The following SCAI variants were observed in gnomAD, a reference collection of about 807,000 sequenced individuals.
SCAI encodes protein SCAI.
SCAI carries 24 observed loss-of-function variants against 92.2 expected under a neutral mutation model. The observed-to-expected ratio is 0.26, with a 90% CI of 0.19 to 0.37. The LOEUF is 0.37. Ranked by LOEUF, SCAI falls within the 10% of genes least tolerant of loss-of-function variation. SCAI has a pLI of 1.00. For missense variants in SCAI, 450 were observed against 736.2 expected (o/e 0.61, Z 4.50); for synonymous variants, 261 against 258.6 (o/e 1.01, Z -0.09).
chr9:125,006,551 G>A (rs968538917), intron 9 of SCAI, among the ~76,000 whole-genome samples: 1 of 152,162 alleles, frequency 6.6e-6, no homozygotes, highest in African/African-American at 2.4e-5. Context: ...GAGTGCAGTG[G>A]CGCGATCTCG....
chr9:125,106,961 T>C (rs543157112), intron 2 of SCAI, among the ~76,000 whole-genome samples: 1 of 151,434 alleles, frequency 6.6e-6, no homozygotes, highest in African/African-American at 2.4e-5. Flanking sequence ...ATGATCCTCC[T>C]GCCTCAGCCT....
At chr9:124,953,132 C>T (rs1016974294) in intron 17 of SCAI, among the ~76,000 whole-genome samples, 179 bp from the exon 18 acceptor site, 1 of 152,060 alleles carries the variant, frequency 6.6e-6, no homozygotes, top group Non-Finnish European at 1.5e-5. Flanking sequence ...CTAAAAATGA[C>T]AGTTTCAGAT....
At chr9:124,980,014 C>T (rs1220322911) in intron 14 of SCAI, among the ~76,000 whole-genome samples, 1 of 147,836 alleles carries the variant, frequency 6.8e-6, no homozygotes, top group Non-Finnish European at 1.5e-5. Context: ...CGGACCACTG[C>T]ACTCCAGCCT....
At chr9:125,019,239 A>G (rs776596786) in intron 7 of SCAI, 34 bp from the exon 8 acceptor site, 14 of 1,162,096 alleles carry the variant, frequency 1.2e-5, no homozygotes, top group Non-Finnish European at 1.6e-5. Context: ...AAGGTTATTA[A>G]AAAACCCATA....
intron 17 of SCAI, among the ~76,000 whole-genome samples, chr9:124,962,197 T>C (rs1473714891): frequency 3.5e-5 from 5 of 141,196 alleles, no homozygotes; most frequent in Non-Finnish European, 6.0e-5. Flanking sequence ...TCTTGCTCTG[T>C]CGCCCAGGCT....
At chr9:125,116,158 T>C (rs1036997722) in intron 2 of SCAI, among the ~76,000 whole-genome samples, 1 of 152,086 alleles carries the variant, frequency 6.6e-6, no homozygotes, top group Non-Finnish European at 1.5e-5. Flanking sequence ...GCACTCCAGC[T>C]TGGGTGACAG....
In SCAI at chr9:124,981,362, G is replaced by T. The variant is rs77282324; in HGVS notation, c.1327-5176C>A. Among the ~76,000 whole-genome samples, 6 of 152,134 alleles carry T rather than the reference G, an allele frequency of 3.9e-5. No homozygotes were observed. The South Asian group carries it at 1.2e-3, about 32-fold the overall frequency. ...GTTTTGTGTCCTCTTCTACTAATCC[G>T]AACAACTCTTGTTATTGTTTTATTT... is the stretch of plus-strand genomic sequence containing the variant. On this transcript the variant is annotated intron_variant, in intron 14 of 17. Transcript: ENST00000336505.
In SCAI at chr9:124,969,212, T is replaced by C. The variant is rs187407328; in HGVS notation, c.1674+2158A>G. On this transcript the variant is annotated intron_variant, in intron 17 of 17. Transcript: ENST00000336505. ...CTCCTGTCTCGGCCTCCCAAAGTGC[T>C]GAGATTACAGGTGTGAGCCACTGCG... 5.1e-4 allele frequency among the ~76,000 whole-genome samples: 77 copies of C among 152,298 alleles called. 1 individual carries two copies. In the East Asian group the frequency reaches 0.014, roughly 27 times the overall value.
chr9:125,045,780 T>C (rs545541394), intron 3 of SCAI, among the ~76,000 whole-genome samples: 101 of 151,920 alleles, frequency 6.6e-4, no homozygotes, highest in African/African-American at 2.3e-3. Context: ...AAGCTTTGTT[T>C]TTCTCATCTG....
At chr9:125,019,802 G>A (rs949334642) in intron 7 of SCAI, among the ~76,000 whole-genome samples, 47 of 151,814 alleles carry the variant, frequency 3.1e-4, no homozygotes, top group African/African-American at 9.4e-4. Flanking sequence ...AGCTGGGCAC[G>A]GTGGCTCATG....
chr9:125,051,636 C>T (rs1339494238), intron 3 of SCAI, among the ~76,000 whole-genome samples: 1 of 152,026 alleles, frequency 6.6e-6, no homozygotes, highest in African/African-American at 2.4e-5. Context: ...ATCACATGTA[C>T]CCCATACATA....
At chr9:124,991,523 T>C (rs1047578500) in intron 14 of SCAI, among the ~76,000 whole-genome samples, 1 of 151,812 alleles carries the variant, frequency 6.6e-6, no homozygotes, top group East Asian at 1.9e-4. Flanking sequence ...AATACATCAG[T>C]TACCCAGTTC....
intron 3 of SCAI, among the ~76,000 whole-genome samples, chr9:125,045,036 T>C (rs1473561736): frequency 6.6e-6 from 1 of 152,174 alleles, no homozygotes; most frequent in Non-Finnish European, 1.5e-5. Flanking sequence ...ATACCTGGCC[T>C]ACCCTTGGCA....
intron 14 of SCAI, among the ~76,000 whole-genome samples, chr9:124,980,043 C>T (rs1341893891): frequency 1.4e-5 from 2 of 142,900 alleles, no homozygotes; most frequent in Non-Finnish European, 3.0e-5. Flanking sequence ...GAGCAAGACT[C>T]CGTCTCAAAA....
intron 3 of SCAI, among the ~76,000 whole-genome samples, chr9:125,046,300 C>T: frequency 1.4e-5 from 1 of 69,758 alleles, no homozygotes; most frequent in African/African-American, 5.5e-5. Context: ...CTTTTATGGC[C>T]TATCTCATAT....
At chr9:125,136,036 T>A (rs1247781430) in intron 2 of SCAI, among the ~76,000 whole-genome samples, 1 of 150,608 alleles carries the variant, frequency 6.6e-6, no homozygotes, top group East Asian at 1.9e-4. Context: ...GTACTACATA[T>A]GTAATATAAC....
At chr9:125,003,358 T>C (rs1474242728) in intron 10 of SCAI, 111 bp downstream of exon 10, 2 of 997,794 alleles carry the variant, frequency 2.0e-6, no homozygotes, top group Non-Finnish European at 3.2e-6. Flanking sequence ...CCATGTCTCA[T>C]CAAGTGAATT....
At chr9:124,985,866 T>TAA (rs199869823) in intron 14 of SCAI, among the ~76,000 whole-genome samples, 8 of 58,460 alleles carry the variant, frequency 1.4e-4, no homozygotes, top group East Asian at 3.8e-4. Context: ...TCTGTCTCAA[T>TAA]AAAAAAAAAA....
chr9:125,060,794 C>T (rs936444601), intron 2 of SCAI, among the ~76,000 whole-genome samples: 1 of 152,218 alleles, frequency 6.6e-6, no homozygotes, highest in South Asian at 2.1e-4. Flanking sequence ...AATTAAACCT[C>T]TTTTTCTTCC....
Sources: allele counts gnomAD v4.1 joint callset (sites outside exome capture counted in the v4.1 genomes callset), GRCh38; gene constraint gnomAD v4.1.1; transcripts MANE v1.5; gene names NCBI Gene and HGNC (gene_info 2026-07-23, HGNC 2026-07-21).